Variants in CAST observed in about 807,000 individuals in gnomAD.
CAST encodes MIR583 host.
Under a neutral mutation model 119.6 loss-of-function variants are expected in CAST, and 76 were observed. The ratio of observed to expected loss-of-function variants is 0.64; its 90% CI spans 0.53 to 0.77. The LOEUF (loss-of-function observed/expected upper bound fraction) is 0.77. CAST is among the 30% of genes least tolerant of loss of function. The pLI is 0.00. For synonymous variants in CAST, 319 were observed against 331.6 expected (o/e 0.96, Z 0.41); for missense variants, 953 against 946.5 (o/e 1.01, Z -0.09).
the CAST span, among the ~76,000 whole-genome samples, chr5:96,253,846 T>C: frequency 2.3e-4 from 35 of 152,220 alleles, no homozygotes; most frequent in Non-Finnish European, 1.2e-4. Context: ...ATGTAGCATA[T>C]TTTATTTCCA....
At chr5:96,016,057 G>A in the CAST span, among the ~76,000 whole-genome samples, 1 of 152,180 alleles carries the variant, frequency 6.6e-6, no homozygotes, top group African/African-American at 2.4e-5. Flanking sequence ...TTAAAGAGTT[G>A]AAAGGTAGAA....
chr5:96,597,658 A>G (rs1016452872), intron 1 of CAST, among the ~76,000 whole-genome samples: 3 of 152,174 alleles, frequency 2.0e-5, no homozygotes, highest in African/African-American at 7.2e-5. Context: ...CCATTGAGTG[A>G]TTTATTTTTC....
the CAST span, among the ~76,000 whole-genome samples, chr5:96,397,963 AT>A: frequency 6.6e-6 from 1 of 151,998 alleles, no homozygotes; most frequent in Admixed American, 6.6e-5. Context: ...TAATTAATGT[AT>A]TAATTTCTTA....
chr5:96,535,687 C>T (rs939076756), intron 1 of CAST, among the ~76,000 whole-genome samples: 10 of 150,412 alleles, frequency 6.6e-5, no homozygotes, highest in Non-Finnish European at 1.3e-4. Flanking sequence ...CATTCTCCTG[C>T]CTCAGCCTCT....
At chr5:95,993,859 T>A in the CAST span, among the ~76,000 whole-genome samples, 3 of 152,032 alleles carry the variant, frequency 2.0e-5, no homozygotes, top group African/African-American at 7.2e-5. Context: ...AGTAAGCACA[T>A]GAAAAGGTAC....
chr5:96,371,541 C>T, the CAST span, among the ~76,000 whole-genome samples: 3 of 152,198 alleles, frequency 2.0e-5, no homozygotes, highest in African/African-American at 7.2e-5. Context: ...TTTGAACGCT[C>T]AAGGTGCAAA....
intron 31 of CAST, chr5:96,772,234 T>C (rs1772669720): frequency 6.5e-6 from 1 of 153,732 alleles, no homozygotes; most frequent in African/African-American, 2.4e-5. Flanking sequence ...TTCTAATTTA[T>C]AATTGCTGAA....
At chr5:96,122,934 A>G in the CAST span, among the ~76,000 whole-genome samples, 1 of 152,126 alleles carries the variant, frequency 6.6e-6, no homozygotes, top group African/African-American at 2.4e-5. Context: ...CAGTGGAACA[A>G]CTGTAAGCTC....
At position 96,770,616 on chromosome 5, in the gene CAST, T is replaced by C; in HGVS notation, c.2340+14T>C. The C allele has an allele frequency of 6.4e-7, 1 of 1,551,416 alleles. No individual in the cohort carries two copies. The highest frequency in any genetic ancestry group is 8.9e-7 in the Non-Finnish European group (1 of 1,123,450). On this transcript the variant is annotated intron_variant, in intron 30 of 31. Coordinates refer to ENST00000675179, the MANE Select transcript of CAST (RefSeq NM_001750.7). ...GATTCAGCAAAGGTAAATGGAGCAG[T>C]AAATATACTACAAATTAGTTTAGCA...
chr5:96,166,818 T>C, the CAST span, among the ~76,000 whole-genome samples: 1 of 152,114 alleles, frequency 6.6e-6, no homozygotes. Flanking sequence ...GGGTGTTATA[T>C]AGTAGTCCAT....
At chr5:95,969,791 T>C in the CAST span, among the ~76,000 whole-genome samples, 396 of 152,280 alleles carry the variant, frequency 2.6e-3, no homozygotes, top group African/African-American at 8.5e-3. Context: ...GTTAGCGGTA[T>C]CAGTGGATTA....
At chr5:96,357,644 C>T in the CAST span, among the ~76,000 whole-genome samples, 4 of 152,092 alleles carry the variant, frequency 2.6e-5, no homozygotes, top group African/African-American at 9.7e-5. Flanking sequence ...TATTGATTTG[C>T]GTATGTTGAA....
chr5:96,211,705 G>T, the CAST span, among the ~76,000 whole-genome samples: 1 of 151,992 alleles, frequency 6.6e-6, no homozygotes, highest in African/African-American at 2.4e-5. Context: ...AGTGTGTAAA[G>T]TTGGTGTTAA....
At chr5:96,204,426 G>A in the CAST span, among the ~76,000 whole-genome samples, 1 of 152,068 alleles carries the variant, frequency 6.6e-6, no homozygotes, top group East Asian at 1.9e-4. Context: ...TGGGTAAGGA[G>A]GACAGGGGTT....
chr5:96,771,571 A>C, intron 30 of CAST, 73 bp from the exon 31 acceptor site: 1 of 1,143,136 alleles, frequency 8.7e-7, no homozygotes, highest in Non-Finnish European at 1.3e-6. Context: ...TTGTCCCCTA[A>C]TTCTGAGAAG....
chr5:96,082,874 C>G, the CAST span, among the ~76,000 whole-genome samples: 1 of 152,186 alleles, frequency 6.6e-6, no homozygotes, highest in Non-Finnish European at 1.5e-5. Flanking sequence ...TCACTCCCTA[C>G]AGATACCCAC....
chr5:96,399,081 T>A, the CAST span: 50 of 1,449,208 alleles, frequency 3.5e-5, no homozygotes, highest in African/African-American at 5.6e-4. Flanking sequence ...ATATCCAAAC[T>A]TCCTTGCATT....
the CAST span, chr5:96,400,163 A>G: frequency 1.2e-6 from 2 of 1,614,060 alleles, no homozygotes; most frequent in Non-Finnish European, 8.5e-7. Context: ...CAGGTGCTGC[A>G]TATCTCGCCA....
the CAST span, among the ~76,000 whole-genome samples, chr5:96,068,538 A>G: frequency 6.6e-6 from 1 of 151,966 alleles, no homozygotes; most frequent in South Asian, 2.1e-4. Flanking sequence ...CCACTGGACT[A>G]GTAAGGAACC....
Sources: allele counts gnomAD v4.1 joint callset (sites outside exome capture counted in the v4.1 genomes callset), GRCh38; gene constraint gnomAD v4.1.1; transcripts MANE v1.5; gene names NCBI Gene and HGNC (gene_info 2026-07-23, HGNC 2026-07-21).